Variants in GRM7 observed in about 807,000 individuals in gnomAD.
The protein encoded by GRM7 is glutamate metabotropic receptor 7.
Under a neutral mutation model 84.5 loss-of-function variants are expected in GRM7, and 35 were observed. The ratio of observed to expected loss-of-function variants is 0.41; its 90% CI spans 0.32 to 0.55. The LOEUF is 0.55. Among genes scored for constraint, GRM7 ranks in the 20% least tolerant of loss-of-function variants. GRM7 has a pLI of 0.19. For synonymous variants in GRM7, 487 were observed against 455.1 expected (o/e 1.07, Z -0.89); for missense variants, 1,003 against 1,194.6 (o/e 0.84, Z 2.36).
In GRM7 at chr3:7,125,102, C is replaced by G. The variant is rs1327491316; in HGVS notation, c.520-21350C>G. Among the ~76,000 whole-genome samples the G allele has an allele frequency of 2.0e-5, 3 of 152,026 alleles. No homozygotes were observed. The East Asian group carries it at 5.8e-4, about 29-fold the overall frequency. On this transcript the variant is annotated intron_variant, in intron 1 of 9. Transcript: ENST00000357716. Reference sequence around the variant, plus strand: ...CTACAGGCACCCACCACCATGCCCACCTAAGTTTTGTATTTTTAGTAGATA... The same window carrying G: ...CTACAGGCACCCACCACCATGCCCAGCTAAGTTTTGTATTTTTAGTAGATA...
At chr3:7,042,040 A>G (rs1027143829) in intron 1 of GRM7, among the ~76,000 whole-genome samples, 8 of 152,174 alleles carry the variant, frequency 5.3e-5, no homozygotes, top group African/African-American at 1.9e-4. Context: ...AGAACATGGA[A>G]GCTTCCCTAC....
intron 7 of GRM7, among the ~76,000 whole-genome samples, chr3:7,515,461 C>A (rs1170397830): frequency 6.6e-6 from 1 of 152,184 alleles, no homozygotes; most frequent in Non-Finnish European, 1.5e-5. Context: ...GGGCAGAAAT[C>A]ACCCCATTGA....
At chr3:7,044,622 T>G (rs1028513796) in intron 1 of GRM7, among the ~76,000 whole-genome samples, 1 of 152,200 alleles carries the variant, frequency 6.6e-6, no homozygotes, top group African/African-American at 2.4e-5. Flanking sequence ...ATATTTTCAA[T>G]TTAAAAGACT....
chr3:7,656,040 T>C (rs750895204), intron 8 of GRM7, among the ~76,000 whole-genome samples: 16 of 152,154 alleles, frequency 1.1e-4, no homozygotes, highest in Non-Finnish European at 2.2e-4. Flanking sequence ...TAATAATAAA[T>C]GTAAATGCAT....
intron 9 of GRM7, among the ~76,000 whole-genome samples, chr3:7,718,595 C>T (rs1273530417): frequency 6.6e-6 from 1 of 152,134 alleles, no homozygotes; most frequent in Non-Finnish European, 1.5e-5. Context: ...ACCCACAGCA[C>T]ACCAAGAGTA....
intron 4 of GRM7, among the ~76,000 whole-genome samples, chr3:7,367,246 T>C (rs1693934088): frequency 6.6e-6 from 1 of 151,896 alleles, no homozygotes; most frequent in Non-Finnish European, 1.5e-5. Flanking sequence ...CCCTTCCCAC[T>C]TTTTTCTCAG....
At chr3:6,919,896 A>C (rs1238856484) in intron 1 of GRM7, among the ~76,000 whole-genome samples, 1 of 152,152 alleles carries the variant, frequency 6.6e-6, no homozygotes, top group East Asian at 1.9e-4. Context: ...ATGCTCAACC[A>C]GGTGAGGTGC....
intron 1 of GRM7, among the ~76,000 whole-genome samples, chr3:7,135,735 T>C (rs1559463096): frequency 6.6e-6 from 1 of 151,896 alleles, no homozygotes; most frequent in Non-Finnish European, 1.5e-5. Context: ...AAAAATATAA[T>C]ATACAGAGGA....
intron 1 of GRM7, among the ~76,000 whole-genome samples, chr3:7,102,427 T>A (rs1699143265): frequency 6.6e-6 from 1 of 151,784 alleles, no homozygotes; most frequent in Non-Finnish European, 1.5e-5. Flanking sequence ...TACACAGTGC[T>A]GTTTTTCTCT....
At chr3:7,635,237 G>A (rs972593823) in intron 8 of GRM7, among the ~76,000 whole-genome samples, 4 of 152,158 alleles carry the variant, frequency 2.6e-5, no homozygotes, top group African/African-American at 7.2e-5. Flanking sequence ...GAGGAACTTC[G>A]AACTTTAAGG....
chr3:7,600,235 G>T (rs1280240028), intron 8 of GRM7, among the ~76,000 whole-genome samples: 3 of 152,002 alleles, frequency 2.0e-5, no homozygotes, highest in Admixed American at 1.3e-4. Context: ...TGTACCAGGG[G>T]TATAGTGTTT....
intron 4 of GRM7, among the ~76,000 whole-genome samples, chr3:7,366,538 CTTA>C (rs1344211828): frequency 2.0e-5 from 3 of 151,748 alleles, no homozygotes; most frequent in Non-Finnish European, 4.4e-5. Flanking sequence ...TTGGTATTTT[CTTA>C]TTAATTTCTA....
At chr3:7,645,219 G>T (rs1417376318) in intron 8 of GRM7, among the ~76,000 whole-genome samples, 1 of 151,958 alleles carries the variant, frequency 6.6e-6, no homozygotes, top group Non-Finnish European at 1.5e-5. Flanking sequence ...GGATCAAAGA[G>T]GTCATGGAAA....
At chr3:6,957,219 G>A (rs1486251260) in intron 1 of GRM7, among the ~76,000 whole-genome samples, 1 of 152,140 alleles carries the variant, frequency 6.6e-6, no homozygotes, top group Non-Finnish European at 1.5e-5. Context: ...TTCACAAGGT[G>A]TTTCCATTTA....
Position 7,153,480 on chromosome 3 carries a change from G to A in GRM7, c.736+6812G>A, listed in dbSNP as rs548328370. 5.9e-5 allele frequency among the ~76,000 whole-genome samples: 9 copies of A among 152,132 alleles called. No individual in the cohort carries two copies. In the South Asian group the frequency reaches 1.5e-3, roughly 25 times the overall value. ...ATGCTACATTTGACTTTCAACACTC[G>A]ATACCCAGAGCAGTGCCCAACACAG... On this transcript the variant is annotated intron_variant, in intron 2 of 9. Coordinates refer to ENST00000357716, the MANE Select transcript of GRM7 (RefSeq NM_000844.4).
chr3:7,168,094 G>A (rs1349425759), intron 2 of GRM7, among the ~76,000 whole-genome samples: 1 of 151,468 alleles, frequency 6.6e-6, no homozygotes, highest in African/African-American at 2.4e-5. Context: ...CTCAGAGAAT[G>A]GGATATCTGT....
chr3:7,542,863 A>G (rs1419161182), intron 7 of GRM7, among the ~76,000 whole-genome samples: 3 of 152,258 alleles, frequency 2.0e-5, no homozygotes, highest in Admixed American at 6.5e-5. Flanking sequence ...AGCAATTTTT[A>G]GTTATAAATA....
chr3:7,054,471 A>T lies in GRM7; in HGVS notation c.520-91981A>T, dbSNP rs575270916. On this transcript the variant is annotated intron_variant, in intron 1 of 9. Coordinates refer to ENST00000357716, the MANE Select transcript of GRM7 (RefSeq NM_000844.4). ...TGTGTTCTTGTCTGAGTGCACTGGG[A>T]TGCAATGTTAAGTACAACGTTAAAC... 1.4e-4 allele frequency among the ~76,000 whole-genome samples: 21 copies of T among 151,446 alleles called. No individual in the cohort carries two copies. In the East Asian group the frequency reaches 4.1e-3, roughly 30 times the overall value.
intron 1 of GRM7, among the ~76,000 whole-genome samples, chr3:7,136,830 A>G (rs930814862): frequency 6.6e-6 from 1 of 152,114 alleles, no homozygotes. Flanking sequence ...TTTTTCTTCC[A>G]TAAGGGTAAA....
Sources: allele counts gnomAD v4.1 joint callset (sites outside exome capture counted in the v4.1 genomes callset), GRCh38; gene constraint gnomAD v4.1.1; transcripts MANE v1.5; gene names NCBI Gene and HGNC (gene_info 2026-07-23, HGNC 2026-07-21).